Variants in GRIA3 observed in about 807,000 individuals in gnomAD.
The protein encoded by GRIA3 is glutamate ionotropic receptor AMPA type subunit 3.
In GRIA3, 3 loss-of-function variants were observed where a neutral mutation model predicts 63.0. That is an observed-to-expected ratio of 0.05 (90% CI 0.02 to 0.12). GRIA3 has a LOEUF of 0.12. GRIA3 is among the 10% of genes least tolerant of loss of function. The probability of loss-of-function intolerance (pLI) is 1.00; values close to 1 mark genes in which losing one functional copy is unlikely to be tolerated. For missense variants in GRIA3, 347 were observed against 700.9 expected (o/e 0.50, Z 5.70); for synonymous variants, 274 against 257.9 (o/e 1.06, Z -0.60).
intron 2 of GRIA3, among the ~76,000 whole-genome samples, chrX:123,197,195 G>A (rs978172448): frequency 1.8e-5 from 2 of 111,564 alleles, no homozygotes; most frequent in African/African-American, 6.5e-5. Context: ...TGTAAACTAG[G>A]GAGGTTCTTC....
At chrX:123,290,893 C>T (rs1422605954) in intron 3 of GRIA3, among the ~76,000 whole-genome samples, 1 of 111,248 alleles carries the variant, frequency 9.0e-6, no homozygotes, top group African/African-American at 3.3e-5. Context: ...CATCCAAAGT[C>T]TTTCTCTGAC....
chrX:123,184,826 G>A lies in GRIA3; in HGVS notation c.109+182G>A, dbSNP rs912739756. 9 of 504,755 alleles carry A rather than the reference G, an allele frequency of 1.8e-5. No individual in the cohort carries two copies. The Admixed American group carries it at 2.4e-4, about 14-fold the overall frequency. 41.6% of individuals were successfully genotyped at this position (504,755 alleles called of 1,213,427 possible). The stretch of plus-strand genomic sequence containing the variant: ...GCGGGGGGAATCTGAGCCTCAACGA[G>A]GTGGCTGGTCTGAAGAGCCTCTGGG... On this transcript the variant is annotated intron_variant, in intron 1 of 15. Transcript: ENST00000620443.
intron 6 of GRIA3, among the ~76,000 whole-genome samples, chrX:123,395,567 AT>A (rs1367738271): frequency 8.9e-6 from 1 of 111,905 alleles, no homozygotes; most frequent in Non-Finnish European, 1.9e-5. Context: ...TTAGGGTCTA[AT>A]AAAGAGTGTA....
Position 123,391,108 on chromosome X carries a change from G to T in GRIA3, c.751-3860G>T, listed in dbSNP as rs183030175. On this transcript the variant is annotated intron_variant, in intron 5 of 15. Coordinates refer to ENST00000620443, the MANE Select transcript of GRIA3 (RefSeq NM_007325.5). Reference sequence around the variant, plus strand: ...TCTTGTATCTCACTAAACTTCTTTAGTATCATTATTGTGAATTTTTCTGGG... The same window carrying T: ...TCTTGTATCTCACTAAACTTCTTTATTATCATTATTGTGAATTTTTCTGGG... Among the ~76,000 whole-genome samples the T allele has an allele frequency of 2.0e-4, 22 of 110,999 alleles. No individual in the cohort carries two copies. In the East Asian group the frequency reaches 3.4e-3, roughly 17 times the overall value.
At chrX:123,252,629 A>G (rs989299170) in intron 2 of GRIA3, among the ~76,000 whole-genome samples, 1 of 111,545 alleles carries the variant, frequency 9.0e-6, no homozygotes, top group African/African-American at 3.3e-5. Context: ...AGTGGAGTCT[A>G]TAAGATACAT....
chrX:123,240,635 A>G (rs2044324932), intron 2 of GRIA3, among the ~76,000 whole-genome samples: 2 of 111,854 alleles, frequency 1.8e-5, no homozygotes, highest in South Asian at 7.6e-4. Context: ...TAAAATGGGT[A>G]GGCCATTTGC....
chrX:123,284,022 C>T (rs1164882510), intron 3 of GRIA3, among the ~76,000 whole-genome samples: 3 of 112,582 alleles, frequency 2.7e-5, no homozygotes, highest in Non-Finnish European at 5.6e-5. Context: ...TGGCAGGTGG[C>T]CCTATGGGAC....
At chrX:123,414,530 G>A (rs1380137775) in intron 10 of GRIA3, among the ~76,000 whole-genome samples, 2 of 111,004 alleles carry the variant, frequency 1.8e-5, no homozygotes, top group Non-Finnish European at 3.8e-5. Flanking sequence ...CAATCAACAC[G>A]TCATTTACGT....
intron 12 of GRIA3, among the ~76,000 whole-genome samples, chrX:123,463,751 AAG>A (rs1178456840): frequency 3.0e-5 from 3 of 101,636 alleles, no homozygotes; most frequent in African/African-American, 4.3e-5. Flanking sequence ...AAGAAAGAAA[AAG>A]AGAGAAAGAA....
intron 2 of GRIA3, among the ~76,000 whole-genome samples, chrX:123,220,693 T>C (rs1177403147): frequency 8.9e-6 from 1 of 112,261 alleles, no homozygotes; most frequent in East Asian, 2.8e-4. Flanking sequence ...CTCTGCTAAC[T>C]CTCTTGGTAA....
In GRIA3 at chrX:123,346,508, C is replaced by T. The variant is rs145053704; in HGVS notation, c.697-8402C>T. ...AATCAAGAGAAATAGCCCTCTAAAA[C>T]ACATCTCTCTTCATTTTCAAAATAG... On this transcript the variant is annotated intron_variant, in intron 4 of 15. Coordinates refer to ENST00000620443, the MANE Select transcript of GRIA3 (RefSeq NM_007325.5). Among the ~76,000 whole-genome samples the T allele has an allele frequency of 3.9e-3, 443 of 112,285 alleles. 2 individuals carry two copies. The highest frequency in any genetic ancestry group is 0.013 in the African/African-American group (417 of 30,921).
chrX:123,293,279 T>C (rs2044666719), intron 3 of GRIA3, among the ~76,000 whole-genome samples: 1 of 111,133 alleles, frequency 9.0e-6, no homozygotes, highest in Admixed American at 9.6e-5. Flanking sequence ...AAGTGGGATA[T>C]TTAGACCCAT....
At chrX:123,262,719 T>A (rs1001772650) in intron 3 of GRIA3, among the ~76,000 whole-genome samples, 1 of 111,830 alleles carries the variant, frequency 8.9e-6, no homozygotes, top group Admixed American at 9.5e-5. Flanking sequence ...GATTGTGTGG[T>A]ATGGATGTGA....
chrX:123,351,357 C>T (rs2045093142), intron 4 of GRIA3, among the ~76,000 whole-genome samples: 1 of 111,861 alleles, frequency 8.9e-6, no homozygotes, highest in Non-Finnish European at 1.9e-5. Flanking sequence ...AAACATGACA[C>T]TTTTTGTGGT....
At chrX:123,477,193 T>A (rs765640447) in intron 13 of GRIA3, among the ~76,000 whole-genome samples, 1 of 111,912 alleles carries the variant, frequency 8.9e-6, no homozygotes, top group Non-Finnish European at 1.9e-5. Flanking sequence ...TCCCAGGACT[T>A]CTCTACATTC....
At chrX:123,322,096 C>G (rs2044871920) in intron 3 of GRIA3, among the ~76,000 whole-genome samples, 1 of 111,484 alleles carries the variant, frequency 9.0e-6, no homozygotes, top group Non-Finnish European at 1.9e-5. Flanking sequence ...TGGTACAGCA[C>G]AGCATCCACC....
At chrX:123,439,145 T>C (rs1240796771) in intron 12 of GRIA3, among the ~76,000 whole-genome samples, 4 of 112,348 alleles carry the variant, frequency 3.6e-5, no homozygotes, top group African/African-American at 6.5e-5. Flanking sequence ...GGGAGCATGC[T>C]TCCCTTTTCT....
At chrX:123,263,739 T>C (rs774704534) in intron 3 of GRIA3, among the ~76,000 whole-genome samples, 1 of 112,598 alleles carries the variant, frequency 8.9e-6, no homozygotes, top group Non-Finnish European at 1.9e-5. Flanking sequence ...TCTCTTTCAT[T>C]TAAATTTTTA....
intron 3 of GRIA3, among the ~76,000 whole-genome samples, chrX:123,317,001 C>T (rs2044835723): frequency 1.8e-5 from 2 of 111,784 alleles, no homozygotes; most frequent in Admixed American, 1.9e-4. Flanking sequence ...TTTAATTGGA[C>T]TTACAGTCCC....
Sources: gnomAD v4.1 joint callset for allele counts (sites outside exome capture counted in the v4.1 genomes callset) on GRCh38, gnomAD v4.1.1 for gene constraint, MANE v1.5 for transcripts, NCBI Gene and HGNC (gene_info 2026-07-23, HGNC 2026-07-21) for gene names.